DPH6: variants seen among roughly 807,000 people sequenced by gnomAD.
The protein encoded by DPH6 is diphthine--ammonia ligase.
A neutral mutation model predicts 38.2 loss-of-function variants in DPH6; 33 were observed. That is an observed-to-expected ratio of 0.86 (90% CI 0.65 to 1.15). The LOEUF is 1.15. Among genes scored for constraint, DPH6 ranks in the 50% most tolerant of loss-of-function variants. DPH6 has a pLI of 0.00. For missense variants in DPH6, 325 were observed against 320.0 expected, an observed-to-expected ratio of 1.02 and a Z score of -0.12; for synonymous variants, 108 against 103.0, an observed-to-expected ratio of 1.05 and a Z score of -0.30.
At chr15:35,546,061 G>A in intron 1 of DPH6, 58 bp downstream of exon 1, 4 of 1,309,414 alleles carry the variant, frequency 3.1e-6, no homozygotes, top group Non-Finnish European at 3.0e-6. Flanking sequence ...GCTAGCGGCG[G>A]CTGGAAGGGA....
At chr15:35,382,235 A>G (rs2052878620) in intron 6 of DPH6, among the ~76,000 whole-genome samples, 2 of 152,174 alleles carry the variant, frequency 1.3e-5, no homozygotes, top group Non-Finnish European at 2.9e-5. Flanking sequence ...GGAGATCGAG[A>G]CCATCCTGGC....
At chr15:35,535,497 G>A (rs2055154862) in intron 3 of DPH6, among the ~76,000 whole-genome samples, 1 of 152,086 alleles carries the variant, frequency 6.6e-6, no homozygotes, top group African/African-American at 2.4e-5. Context: ...CAACCCAGCA[G>A]AACAGAAAGA....
intron 3 of DPH6, among the ~76,000 whole-genome samples, chr15:35,500,740 G>A (rs2054615353): frequency 6.6e-6 from 1 of 152,020 alleles, no homozygotes; most frequent in South Asian, 2.1e-4. Context: ...TTTAGTATGT[G>A]TTCCCTTTTT....
chr15:35,381,853 C>A lies in DPH6; in HGVS notation c.631G>T (p.Asp211Tyr). Residue 211 changes from aspartate (D) to tyrosine (Y), a missense_variant, in exon 7 of 9, where the codon GAT (aspartate) becomes TAT (tyrosine). Physicochemically the swap from Asp to Tyr is radical, Grantham distance 160 (BLOSUM62 -3). Coordinates refer to ENST00000256538, the MANE Select transcript of DPH6 (RefSeq NM_080650.4). ...EGGEYETFTL[D>Y]CPLFKKKIIV... ...ATTTTCTTCTTAAATAGAGGGCAAT[C>A]CAAAGTGAAAGTTTCATACTCTCCA... 1 of 1,613,476 alleles carries A rather than the reference C, an allele frequency of 6.2e-7. No homozygotes were observed. The highest frequency in any genetic ancestry group is 8.5e-7 in the Non-Finnish European group (1 of 1,179,588).
intron 3 of DPH6, among the ~76,000 whole-genome samples, chr15:35,509,708 A>C (rs2054741790): frequency 6.6e-6 from 1 of 152,222 alleles, no homozygotes; most frequent in South Asian, 2.1e-4. Context: ...AAAAGGTTTG[A>C]AAAAACAAAA....
At chr15:35,191,081 A>G in the DPH6 span, among the ~76,000 whole-genome samples, 1 of 152,190 alleles carries the variant, frequency 6.6e-6, no homozygotes, top group African/African-American at 2.4e-5. Flanking sequence ...CTTTCTTTTA[A>G]TAGTTTGTTC....
At chr15:35,499,413 T>C (rs753127766) in intron 3 of DPH6, among the ~76,000 whole-genome samples, 3 of 152,208 alleles carry the variant, frequency 2.0e-5, no homozygotes, top group Admixed American at 6.5e-5. Context: ...GTATCTCCTC[T>C]GTCCTAGTCT....
intron 3 of DPH6, among the ~76,000 whole-genome samples, chr15:35,346,040 C>T (rs1424995628): frequency 3.3e-5 from 5 of 151,882 alleles, no homozygotes; most frequent in African/African-American, 7.2e-5. Flanking sequence ...GTAAGTGAAA[C>T]GAAAGTGCAT....
At chr15:35,220,346 A>G (rs1268150642) in exon 4 of DPH6, 1 of 152,178 alleles carries the variant, frequency 6.6e-6, no homozygotes, top group Non-Finnish European at 1.5e-5. Flanking sequence ...ATTTGTTACA[A>G]CTGATGAGTG....
At chr15:35,157,500 T>A in the DPH6 span, among the ~76,000 whole-genome samples, 1 of 152,130 alleles carries the variant, frequency 6.6e-6, no homozygotes, top group East Asian at 1.9e-4. Context: ...TAAGGACCCC[T>A]ATAATAAATA....
chr15:35,192,924 A>C, the DPH6 span, among the ~76,000 whole-genome samples: 3 of 152,198 alleles, frequency 2.0e-5, no homozygotes, highest in African/African-American at 7.2e-5. Context: ...AGAAACTGCC[A>C]ATCTTGGAAG....
intron 3 of DPH6, among the ~76,000 whole-genome samples, chr15:35,358,346 A>C (rs1307669807): frequency 6.6e-6 from 1 of 152,080 alleles, no homozygotes; most frequent in African/African-American, 2.4e-5. Flanking sequence ...CTCTCTGATT[A>C]GTTTAGTAAC....
chr15:35,436,238 A>G (rs7168433), intron 5 of DPH6, among the ~76,000 whole-genome samples: 139,146 of 151,556 alleles, frequency 0.92, 64,303 homozygotes, highest in Non-Finnish European at 0.97. Flanking sequence ...AGGCCAAGGC[A>G]GGCGGATCAC....
At chr15:35,505,925 T>C (rs1226577924) in intron 3 of DPH6, among the ~76,000 whole-genome samples, 2 of 152,124 alleles carry the variant, frequency 1.3e-5, no homozygotes, top group Non-Finnish European at 2.9e-5. Context: ...ATGACCATTT[T>C]TATTTACACT....
the DPH6 span, among the ~76,000 whole-genome samples, chr15:35,182,218 G>GA: frequency 2.2e-5 from 2 of 90,070 alleles, no homozygotes; most frequent in Non-Finnish European, 4.2e-5. Context: ...ACAACTCTAA[G>GA]AATTTTTTTT....
At chr15:35,402,921 A>C (rs1159804920) in intron 6 of DPH6, among the ~76,000 whole-genome samples, 1 of 152,092 alleles carries the variant, frequency 6.6e-6, no homozygotes, top group African/African-American at 2.4e-5. Flanking sequence ...TTCATTATGC[A>C]TATATCATAA....
intron 5 of DPH6, among the ~76,000 whole-genome samples, chr15:35,449,695 A>G (rs2053906677): frequency 1.3e-5 from 2 of 152,136 alleles, no homozygotes; most frequent in South Asian, 4.1e-4. Flanking sequence ...TAAAAACATA[A>G]TATCACTCAA....
chr15:35,315,491 A>G (rs943384450), intron 3 of DPH6, among the ~76,000 whole-genome samples: 3 of 152,214 alleles, frequency 2.0e-5, no homozygotes, highest in Admixed American at 2.0e-4. Flanking sequence ...ACAGTGACAT[A>G]TTATCTCTCC....
chr15:35,489,892 T>C, intron 3 of DPH6: 1 of 966,330 alleles, frequency 1.0e-6, no homozygotes, highest in African/African-American at 1.8e-5. Flanking sequence ...TATACATTTT[T>C]CTGTACTAAA....
Sources: allele counts gnomAD v4.1 joint callset (sites outside exome capture counted in the v4.1 genomes callset), GRCh38; gene constraint gnomAD v4.1.1; transcripts MANE v1.5; gene names NCBI Gene and HGNC (gene_info 2026-07-23, HGNC 2026-07-21).